SLC1A3: variants seen among roughly 807,000 people sequenced by gnomAD.
SLC1A3 encodes the protein excitatory amino acid transporter 1.
SLC1A3 carries 21 observed loss-of-function variants against 48.1 expected under a neutral mutation model. That is an observed-to-expected ratio of 0.44 (90% CI 0.31 to 0.63). The LOEUF (loss-of-function observed/expected upper bound fraction) is 0.63. Ranked by LOEUF, SLC1A3 falls within the 20% of genes least tolerant of loss-of-function variation. The pLI, the probability that SLC1A3 is intolerant of heterozygous loss-of-function variation, is 0.08. For synonymous variants in SLC1A3, 239 were observed against 251.4 expected (o/e 0.95, Z 0.47); for missense variants, 546 against 689.0 (o/e 0.79, Z 2.32).
intron 2 of SLC1A3, among the ~76,000 whole-genome samples, chr5:36,625,929 C>T (rs1273953385): frequency 1.3e-5 from 2 of 152,224 alleles, no homozygotes; most frequent in Non-Finnish European, 2.9e-5. Context: ...TAAGGAGAGA[C>T]ACACACAAAA....
chr5:36,645,362 T>A (rs1035096312), intron 3 of SLC1A3, among the ~76,000 whole-genome samples: 1 of 117,288 alleles, frequency 8.5e-6, no homozygotes, highest in Non-Finnish European at 1.7e-5. Context: ...AGAGTCTCAC[T>A]CTCACCCAGG....
At chr5:36,655,016 C>T (rs1306905498) in intron 3 of SLC1A3, among the ~76,000 whole-genome samples, 1 of 152,182 alleles carries the variant, frequency 6.6e-6, no homozygotes, top group African/African-American at 2.4e-5. Context: ...TGGGAGAAGT[C>T]ACTTTGGCAT....
intron 3 of SLC1A3, among the ~76,000 whole-genome samples, chr5:36,662,812 A>G (rs1333407033): frequency 6.6e-6 from 1 of 152,206 alleles, no homozygotes; most frequent in Non-Finnish European, 1.5e-5. Flanking sequence ...GACTGTGTTA[A>G]GCTGTCATGA....
At chr5:36,630,254 A>G (rs781097502) in intron 3 of SLC1A3, among the ~76,000 whole-genome samples, 5 of 152,230 alleles carry the variant, frequency 3.3e-5, no homozygotes, top group Non-Finnish European at 5.9e-5. Context: ...TTTGCAGGAT[A>G]GGATTCTATG....
intron 1 of SLC1A3, among the ~76,000 whole-genome samples, chr5:36,598,874 A>G (rs1561229390): frequency 6.6e-6 from 1 of 152,172 alleles, no homozygotes; most frequent in Non-Finnish European, 1.5e-5. Context: ...GCAGTCCGCC[A>G]ACCTTGGCCT....
At chr5:36,648,882 C>A (rs1437011590) in intron 3 of SLC1A3, among the ~76,000 whole-genome samples, 2 of 151,912 alleles carry the variant, frequency 1.3e-5, no homozygotes, top group Admixed American at 6.6e-5. Flanking sequence ...AATATAAAAG[C>A]AAAAAAATTT....
intron 8 of SLC1A3, among the ~76,000 whole-genome samples, chr5:36,683,533 A>C (rs1449052163): frequency 6.6e-6 from 1 of 152,016 alleles, no homozygotes; most frequent in Non-Finnish European, 1.5e-5. Flanking sequence ...ACATGGTGAA[A>C]TCCTGCTCTA....
intron 3 of SLC1A3, among the ~76,000 whole-genome samples, chr5:36,634,044 A>G (rs562313795): frequency 1.5e-3 from 228 of 152,246 alleles, no homozygotes; most frequent in African/African-American, 5.1e-3. Context: ...GGGAGACTAA[A>G]GCTGGCAGAT....
At chr5:36,619,255 G>A (rs961313596) in intron 2 of SLC1A3, among the ~76,000 whole-genome samples, 2 of 152,196 alleles carry the variant, frequency 1.3e-5, no homozygotes, top group East Asian at 1.9e-4. Flanking sequence ...ACCAGGAAAC[G>A]CCTGAAAGTT....
intron 9 of SLC1A3, among the ~76,000 whole-genome samples, chr5:36,685,669 G>A (rs2111989196): frequency 6.6e-6 from 1 of 152,324 alleles, no homozygotes; most frequent in East Asian, 1.9e-4. Context: ...GGAGTTTCCT[G>A]TTTCTGCAGT....
At chr5:36,644,300 T>C (rs188014662) in intron 3 of SLC1A3, among the ~76,000 whole-genome samples, 128 of 152,296 alleles carry the variant, frequency 8.4e-4, no homozygotes, top group Non-Finnish European at 9.0e-4. Context: ...ATATGTAGTC[T>C]AGGTATTGTA....
chr5:36,605,754 T>G (rs1011853602), upstream of SLC1A3, among the ~76,000 whole-genome samples: 1 of 152,206 alleles, frequency 6.6e-6, no homozygotes, highest in African/African-American at 2.4e-5. Flanking sequence ...CACAATTTAT[T>G]TTTCTTTTAA....
chr5:36,601,513 C>T (rs543359657), upstream of SLC1A3, among the ~76,000 whole-genome samples: 13 of 152,308 alleles, frequency 8.5e-5, no homozygotes, highest in South Asian at 6.2e-4. Context: ...TGACTGCACA[C>T]ATAATGGGAC....
At chr5:36,630,473 G>A (rs1740094722) in intron 3 of SLC1A3, 1 of 152,184 alleles carries the variant, frequency 6.6e-6, no homozygotes, top group South Asian at 2.1e-4. Flanking sequence ...GATGATTTCT[G>A]GGTTTGTAGG....
chr5:36,662,830 T>C (rs1034497634), intron 3 of SLC1A3, among the ~76,000 whole-genome samples: 1 of 152,152 alleles, frequency 6.6e-6, no homozygotes, highest in Admixed American at 6.5e-5. Flanking sequence ...TGAGAGTCAA[T>C]TGAATGGTCA....
intron 2 of SLC1A3, among the ~76,000 whole-genome samples, chr5:36,621,704 G>A (rs1197951477): frequency 2.6e-5 from 4 of 152,202 alleles, no homozygotes; most frequent in Admixed American, 2.6e-4. Context: ...GCTAGGACTA[G>A]AATCTCGACA....
intron 2 of SLC1A3, chr5:36,609,154 T>G (rs986785411): frequency 1.0e-6 from 1 of 985,374 alleles, no homozygotes; most frequent in African/African-American, 1.7e-5. Flanking sequence ...TTAACACAGA[T>G]CTCTTTCATT....
At chr5:36,656,295 T>C (rs900684719) in intron 3 of SLC1A3, among the ~76,000 whole-genome samples, 8 of 152,186 alleles carry the variant, frequency 5.3e-5, no homozygotes, top group Admixed American at 5.2e-4. Flanking sequence ...GTCTCCCTGC[T>C]AGCAAGGGGC....
At chr5:36,601,401 G>A (rs1738806187) in intron 1 of SLC1A3, among the ~76,000 whole-genome samples, 1 of 152,198 alleles carries the variant, frequency 6.6e-6, no homozygotes, top group Non-Finnish European at 1.5e-5. Context: ...TTATTGGCAT[G>A]ACATGATTTA....
Sources: gnomAD v4.1 joint callset for allele counts (sites outside exome capture counted in the v4.1 genomes callset) on GRCh38, gnomAD v4.1.1 for gene constraint, MANE v1.5 for transcripts, NCBI Gene and HGNC (gene_info 2026-07-23, HGNC 2026-07-21) for gene names.